The following NCKAP5 variants were observed in gnomAD, a reference collection of about 807,000 sequenced individuals.
NCKAP5 encodes nck-associated protein 5.
In NCKAP5, 92 loss-of-function variants were observed where a neutral mutation model predicts 167.0. That is an observed-to-expected ratio of 0.55 (90% CI 0.47 to 0.66). NCKAP5 has a LOEUF of 0.66. NCKAP5 is among the 30% of genes least tolerant of loss of function. The pLI, the probability that NCKAP5 is intolerant of heterozygous loss-of-function variation, is 0.00. For synonymous variants in NCKAP5, 891 were observed against 877.4 expected, an observed-to-expected ratio of 1.02 and a Z score of -0.27; for missense variants, 2,378 against 2,315.0, an observed-to-expected ratio of 1.03 and a Z score of -0.56.
intron 6 of NCKAP5, among the ~76,000 whole-genome samples, chr2:133,061,532 A>C (rs572932974): frequency 1.6e-3 from 239 of 152,366 alleles, no homozygotes; most frequent in African/African-American, 5.5e-3. Context: ...GAAAACAAAA[A>C]GAAAACTGAG....
At chr2:133,070,871 C>CAT (rs1177215844) in intron 6 of NCKAP5, among the ~76,000 whole-genome samples, 3 of 152,102 alleles carry the variant, frequency 2.0e-5, no homozygotes, top group Non-Finnish European at 2.9e-5. Flanking sequence ...TAACATTTTA[C>CAT]ATATATATCT....
chr2:133,634,489 C>T, the NCKAP5 span, among the ~76,000 whole-genome samples: 1 of 152,190 alleles, frequency 6.6e-6, no homozygotes, highest in Non-Finnish European at 1.5e-5. Context: ...TACAGGACTA[C>T]TTTTTCACCA....
chr2:132,836,111 C>T (rs963669052), intron 11 of NCKAP5, among the ~76,000 whole-genome samples: 3 of 152,096 alleles, frequency 2.0e-5, no homozygotes, highest in African/African-American at 7.2e-5. Context: ...TACTCTTAAC[C>T]ATTTTTACAA....
rs138565910 is a variant in NCKAP5, at chr2:133,197,497, G to A, written c.207+16219C>T. On this transcript the variant is annotated intron_variant, in intron 5 of 19. Transcript: ENST00000409261. The stretch of plus-strand genomic sequence containing the variant: ...CATAATACAATATCCAAAATATCCA[G>A]AATACTGTCCAAAATCACTCAACAT... Among the ~76,000 whole-genome samples the A allele has an allele frequency of 8.7e-3, 1,326 of 152,020 alleles. 15 individuals are homozygous for A. Among genetic ancestry groups the A allele is most frequent in the African/African-American group, 0.03 (1,225 of 41,462 alleles).
intron 19 of NCKAP5, among the ~76,000 whole-genome samples, chr2:132,680,274 C>G (rs1162549719): frequency 6.6e-6 from 1 of 152,140 alleles, no homozygotes; most frequent in Non-Finnish European, 1.5e-5. Flanking sequence ...ACCACACTCA[C>G]GGAGATGTGA....
At chr2:133,059,342 G>A (rs773444745) in intron 6 of NCKAP5, among the ~76,000 whole-genome samples, 2 of 152,036 alleles carry the variant, frequency 1.3e-5, no homozygotes, top group Non-Finnish European at 2.9e-5. Flanking sequence ...AGGCCCAGAT[G>A]ATTGTTAGCA....
the NCKAP5 span, among the ~76,000 whole-genome samples, chr2:133,636,767 C>A: frequency 0.036 from 5,351 of 147,228 alleles, 153 homozygotes; most frequent in Non-Finnish European, 0.056. Flanking sequence ...ATTCCAAGGG[C>A]CTAGAACCAC....
chr2:132,998,593 G>C (rs2077679035), intron 6 of NCKAP5, among the ~76,000 whole-genome samples: 1 of 152,124 alleles, frequency 6.6e-6, no homozygotes, highest in Admixed American at 6.5e-5. Context: ...TTTACTCCCT[G>C]ATGACATCTT....
At chr2:132,920,452 A>G (rs1199388323) in intron 8 of NCKAP5, among the ~76,000 whole-genome samples, 1 of 151,528 alleles carries the variant, frequency 6.6e-6, no homozygotes, top group Non-Finnish European at 1.5e-5. Context: ...TAGGCAGAGA[A>G]AAAAGGACCC....
At chr2:133,364,943 G>C (rs1385656419) in intron 3 of NCKAP5, among the ~76,000 whole-genome samples, 1 of 152,018 alleles carries the variant, frequency 6.6e-6, no homozygotes, top group Non-Finnish European at 1.5e-5. Context: ...TAGAGATGGG[G>C]TGTCACTATA....
chr2:132,724,721 C>T (rs909541978), intron 19 of NCKAP5, among the ~76,000 whole-genome samples: 2 of 152,064 alleles, frequency 1.3e-5, no homozygotes, highest in Non-Finnish European at 2.9e-5. Context: ...AACCACCAAT[C>T]CTACCTCTCT....
At chr2:133,246,182 C>T (rs17800749) in intron 4 of NCKAP5, among the ~76,000 whole-genome samples, 16,847 of 151,190 alleles carry the variant, frequency 0.11, 1,006 homozygotes, top group East Asian at 0.17. Flanking sequence ...ACTGAGTAGA[C>T]GGAGCTTTCC....
intron 19 of NCKAP5, among the ~76,000 whole-genome samples, chr2:132,704,913 A>T (rs1688212736): frequency 6.6e-6 from 1 of 152,168 alleles, no homozygotes; most frequent in African/African-American, 2.4e-5. Context: ...TAAGATCCTG[A>T]TAAGTTTCTC....
At chr2:133,449,177 C>T (rs1263318691) in intron 3 of NCKAP5, among the ~76,000 whole-genome samples, 1 of 152,130 alleles carries the variant, frequency 6.6e-6, no homozygotes, top group African/African-American at 2.4e-5. Flanking sequence ...ATTCCTGTTG[C>T]CTATTGTAGA....
intron 19 of NCKAP5, among the ~76,000 whole-genome samples, chr2:132,721,033 T>C (rs1269687061): frequency 6.9e-6 from 1 of 145,474 alleles, no homozygotes; most frequent in Non-Finnish European, 1.5e-5. Flanking sequence ...AAAAATGCTG[T>C]GCACAGTAGC....
chr2:132,758,121 C>T (rs890739484), intron 16 of NCKAP5, among the ~76,000 whole-genome samples: 1 of 152,220 alleles, frequency 6.6e-6, no homozygotes, highest in African/African-American at 2.4e-5. Flanking sequence ...GAGTTAGCCT[C>T]CTGTCTCCTC....
intron 8 of NCKAP5, among the ~76,000 whole-genome samples, chr2:132,897,803 C>T (rs763342001): frequency 5.3e-5 from 8 of 152,162 alleles, no homozygotes; most frequent in East Asian, 1.9e-4. Flanking sequence ...ATGTACACAC[C>T]ATAATTCAAA....
At chr2:133,195,772 A>G (rs761385233) in intron 5 of NCKAP5, among the ~76,000 whole-genome samples, 2 of 152,202 alleles carry the variant, frequency 1.3e-5, no homozygotes, top group Non-Finnish European at 2.9e-5. Context: ...GACAAATGGT[A>G]CTGAAATAAC....
At chr2:133,243,535 C>T (rs942880047) in intron 4 of NCKAP5, among the ~76,000 whole-genome samples, 2 of 152,124 alleles carry the variant, frequency 1.3e-5, no homozygotes, top group Non-Finnish European at 2.9e-5. Context: ...GGTCCTCTTC[C>T]CTGCAACTAC....
Sources: allele counts gnomAD v4.1 joint callset (sites outside exome capture counted in the v4.1 genomes callset), GRCh38; gene constraint gnomAD v4.1.1; transcripts MANE v1.5; gene names NCBI Gene and HGNC (gene_info 2026-07-23, HGNC 2026-07-21).